ROS1: variants seen among roughly 807,000 people sequenced by gnomAD.
The protein encoded by ROS1 is ROS proto-oncogene 1, receptor tyrosine kinase, also known as proto-oncogene tyrosine-protein kinase ROS.
In ROS1, 263 loss-of-function variants were observed where a neutral mutation model predicts 273.5. That is an observed-to-expected ratio of 0.96 (90% CI 0.87 to 1.06). The LOEUF (loss-of-function observed/expected upper bound fraction) is 1.06, where lower values mean the gene tolerates loss of function less well. Ranked by LOEUF, ROS1 falls within the 50% of genes least tolerant of loss-of-function variation. ROS1 has a pLI of 0.00. For missense variants in ROS1, 2,833 were observed against 2,751.1 expected (o/e 1.03, Z -0.67); for synonymous variants, 1,008 against 954.1 (o/e 1.06, Z -1.04).
At chr6:117,312,443 T>C (rs1388836482) in intron 39 of ROS1, among the ~76,000 whole-genome samples, 1 of 152,102 alleles carries the variant, frequency 6.6e-6, no homozygotes, top group Non-Finnish European at 1.5e-5. Context: ...GCTATGACCT[T>C]ACTCCCAAAT....
At chr6:117,333,746 T>A (rs758211431) in intron 32 of ROS1, among the ~76,000 whole-genome samples, 8 of 152,214 alleles carry the variant, frequency 5.3e-5, no homozygotes, top group Non-Finnish European at 1.0e-4. Context: ...ATCACACGAT[T>A]ATCTGAATAG....
intron 20 of ROS1, among the ~76,000 whole-genome samples, 173 bp downstream of exon 20, chr6:117,365,408 G>C (rs1780131784): frequency 1.3e-5 from 2 of 152,174 alleles, no homozygotes; most frequent in Admixed American, 1.3e-4. Context: ...CAAGCAGTCA[G>C]AGACTGGCTG....
chr6:117,382,031 G>A (rs572628176), intron 17 of ROS1, among the ~76,000 whole-genome samples: 1 of 152,240 alleles, frequency 6.6e-6, no homozygotes, highest in East Asian at 1.9e-4. Context: ...ACACTGGGAA[G>A]ATTACTGACA....
chr6:117,364,927 T>A (rs1780082103), intron 21 of ROS1, 133 bp downstream of exon 21: 1 of 764,050 alleles, frequency 1.3e-6, no homozygotes, highest in Non-Finnish European at 2.1e-6. Flanking sequence ...CTCCAAAAAG[T>A]CATTGAAAGG....
At chr6:117,407,861 A>G (rs549011196) in intron 5 of ROS1, among the ~76,000 whole-genome samples, 2 of 152,318 alleles carry the variant, frequency 1.3e-5, no homozygotes, top group African/African-American at 4.8e-5. Flanking sequence ...TGGTACCAAA[A>G]CAGAAATATA....
At chr6:117,396,376 G>A (rs1312134972) in intron 8 of ROS1, 112 bp from the exon 9 acceptor site, 10 of 762,822 alleles carry the variant, frequency 1.3e-5, no homozygotes, top group Non-Finnish European at 4.6e-6. Flanking sequence ...GGCAATGCAT[G>A]AGTCTAGTTA....
intron 18 of ROS1, among the ~76,000 whole-genome samples, chr6:117,375,473 C>G (rs1031031338): frequency 2.6e-5 from 4 of 152,128 alleles, no homozygotes; most frequent in African/African-American, 9.7e-5. Flanking sequence ...GAAAACCTAC[C>G]TATTGGGTAA....
Position 117,418,385 on chromosome 6 carries a change from T to A in ROS1, c.168+77A>T, listed in dbSNP as rs146943638. ...AGATTTTACTTAGCAATTCTTACTG[T>A]GATAAAATCTGATCATTGTCCCTTC... On this transcript the variant is annotated intron_variant, in intron 2 of 43. Coordinates refer to ENST00000368507, the MANE Select transcript of ROS1 (RefSeq NM_001378902.1). 3,645 of 988,858 alleles carry A rather than the reference T, an allele frequency of 3.7e-3. 17 individuals are homozygous for A. The highest frequency in any genetic ancestry group is 5.6e-3 in the Middle Eastern group (27 of 4,816). 61.3% of individuals were successfully genotyped at this position (988,858 alleles called of 1,614,324 possible).
chr6:117,330,230 C>G (rs774741081), intron 32 of ROS1, among the ~76,000 whole-genome samples: 12 of 152,238 alleles, frequency 7.9e-5, no homozygotes, highest in Non-Finnish European at 1.6e-4. Context: ...CTCTTCAGGT[C>G]TAACCCTCAC....
chr6:117,375,809 T>C (rs1353951173), intron 18 of ROS1, among the ~76,000 whole-genome samples: 1 of 152,062 alleles, frequency 6.6e-6, no homozygotes, highest in African/African-American at 2.4e-5. Flanking sequence ...ATCAATATAC[T>C]AAATATAAAG....
At chr6:117,404,064 T>C (rs1774180929) in intron 6 of ROS1, among the ~76,000 whole-genome samples, 1 of 152,078 alleles carries the variant, frequency 6.6e-6, no homozygotes, top group Admixed American at 6.5e-5. Flanking sequence ...TGAAACCGTG[T>C]CTCTACTGAA....
At chr6:117,372,631 C>T (rs1305310821) in intron 18 of ROS1, among the ~76,000 whole-genome samples, 1 of 152,120 alleles carries the variant, frequency 6.6e-6, no homozygotes, top group African/African-American at 2.4e-5. Context: ...TGCAGACCTT[C>T]GTGGTGAGTG....
Position 117,359,967 on chromosome 6 carries a change from T to A in ROS1, c.3475A>T (p.Ile1159Leu). The change falls in exon 24 of 44, where the codon ATA becomes TTA. Residue 1159 changes from isoleucine (I) to leucine (L), a missense_variant. Ile to Leu is a conservative substitution (Grantham distance 5). Transcript: ENST00000368507. ...TTTTGATCCATATCTAAAAAAACTA[T>A]CTTGTTACCAAGAAGAGTTATGAGG... ...PHLITLLGNK[I>L]VFLDMDQNQV... 1 of 1,613,902 alleles carries A rather than the reference T, an allele frequency of 6.2e-7. No homozygotes were observed. Among genetic ancestry groups the A allele is most frequent in the Non-Finnish European group, 8.5e-7 (1 of 1,179,882 alleles).
chr6:117,394,866 C>G, intron 9 of ROS1, 128 bp from the exon 10 acceptor site: 1 of 685,414 alleles, frequency 1.5e-6, no homozygotes, highest in Non-Finnish European at 2.3e-6. Context: ...CAAATTTTCT[C>G]TAATGGCACT....
intron 27 of ROS1, among the ~76,000 whole-genome samples, chr6:117,350,040 A>G (rs1011277905): frequency 1.3e-5 from 2 of 151,440 alleles, no homozygotes; most frequent in African/African-American, 4.9e-5. Flanking sequence ...AGTTAAGAAA[A>G]AGAAAAACTT....
chr6:117,409,599 T>C lies in ROS1; in HGVS notation c.299A>G (p.Tyr100Cys). 15 of 1,613,874 alleles carry C rather than the reference T, an allele frequency of 9.3e-6. No homozygotes were observed. Among genetic ancestry groups the C allele is most frequent in the South Asian group, 4.4e-5 (4 of 91,070 alleles). Residue 100 changes from tyrosine (Y) to cysteine (C), a missense_variant, in exon 5 of 44, where the codon TAT becomes TGT. Coordinates refer to ENST00000368507, the MANE Select transcript of ROS1 (RefSeq NM_001378902.1). ...CCTCTTACCCAGTACTTCCTCTTCA[T>C]ATGCACCTTCCGCGCTGCTACAGCC... Reference protein sequence around the residue: ...EVGCSSAEGAYEEEVLENADL... With the variant: ...EVGCSSAEGACEEEVLENADL...
At chr6:117,396,543 A>G (rs1306726291) in intron 8 of ROS1, among the ~76,000 whole-genome samples, 1 of 152,214 alleles carries the variant, frequency 6.6e-6, no homozygotes, top group African/African-American at 2.4e-5. Flanking sequence ...TAAATGATAG[A>G]AAAGCTAACA....
At chr6:117,420,848 T>C (rs1775700159) in intron 1 of ROS1, among the ~76,000 whole-genome samples, 1 of 151,892 alleles carries the variant, frequency 6.6e-6, no homozygotes, top group Non-Finnish European at 1.5e-5. Context: ...CCCAACTTGC[T>C]GTTAACAGCC....
rs1319247583 is a variant in ROS1 at position 117,362,718 on chromosome 6, G to A, written c.3251C>T (p.Ser1084Phe). 1.9e-6 allele frequency: 3 copies of A among 1,613,530 alleles called. No individual in the cohort carries two copies. The highest frequency in any genetic ancestry group is 1.1e-5 in the South Asian group (1 of 91,062). ...LTKFEIFYNI[S>F]NQSITNKTCE... ...TGTTTTGTTTGTAATACTTTGATTG[G>A]ATATATTGTAGAAAATTTCAAATTT... is the stretch of plus-strand genomic sequence containing the variant. Residue 1084 changes from serine to phenylalanine, a missense_variant, in exon 22 of 44, where the codon TCC (serine) becomes TTC (phenylalanine). Physicochemically the swap from Ser to Phe is radical, Grantham distance 155 (BLOSUM62 -2). Transcript: ENST00000368507.
Sources: gnomAD v4.1 joint callset for allele counts (sites outside exome capture counted in the v4.1 genomes callset) on GRCh38, gnomAD v4.1.1 for gene constraint, MANE v1.5 for transcripts, NCBI Gene and HGNC (gene_info 2026-07-23, HGNC 2026-07-21) for gene names.